The following SCFD2 variants were observed in gnomAD, a reference collection of about 807,000 sequenced individuals.
The protein encoded by SCFD2 is sec1 family domain-containing protein 2.
In SCFD2, 54 loss-of-function variants were observed where a neutral mutation model predicts 58.9. The observed-to-expected ratio is 0.92, with a 90% CI of 0.74 to 1.15. SCFD2 has a LOEUF of 1.15. Among genes scored for constraint, SCFD2 ranks in the 50% most tolerant of loss-of-function variants. SCFD2 has a pLI of 0.00. For synonymous variants in SCFD2, 321 were observed against 335.9 expected, an observed-to-expected ratio of 0.96 and a Z score of 0.49; for missense variants, 805 against 836.6, an observed-to-expected ratio of 0.96 and a Z score of 0.47.
chr4:53,254,397 C>T (rs1184345841), intron 4 of SCFD2, among the ~76,000 whole-genome samples: 2 of 152,208 alleles, frequency 1.3e-5, no homozygotes, highest in African/African-American at 2.4e-5. Flanking sequence ...ATGCCTGCTT[C>T]TCCTTTGCCT....
At chr4:53,351,233 C>T (rs1011509069) in intron 2 of SCFD2, among the ~76,000 whole-genome samples, 5 of 152,154 alleles carry the variant, frequency 3.3e-5, no homozygotes, top group African/African-American at 9.7e-5. Flanking sequence ...AGAAGTGGTC[C>T]AATGAGGTCA....
At chr4:53,034,758 A>G (rs1398119526) in intron 5 of SCFD2, among the ~76,000 whole-genome samples, 1 of 152,212 alleles carries the variant, frequency 6.6e-6, no homozygotes, top group Admixed American at 6.5e-5. Context: ...CTAGGAATCC[A>G]ACTTACAAGG....
At chr4:53,012,834 G>GTTTT (rs5858199) in intron 5 of SCFD2, among the ~76,000 whole-genome samples, 1 of 134,586 alleles carries the variant, frequency 7.4e-6, no homozygotes, top group Non-Finnish European at 1.6e-5. Flanking sequence ...GTGTGTGTGT[G>GTTTT]TGTTTTTTTT....
At position 53,224,948 on chromosome 4, in the gene SCFD2, A is replaced by T. The variant is rs1194303695; in HGVS notation, c.1311+48878T>A. 2.6e-5 allele frequency among the ~76,000 whole-genome samples: 4 copies of T among 152,182 alleles called. No individual in the cohort carries two copies. In the South Asian group the frequency reaches 8.3e-4, roughly 31 times the overall value. On this transcript the variant is annotated intron_variant, in intron 4 of 8. Coordinates refer to ENST00000401642, the MANE Select transcript of SCFD2 (RefSeq NM_152540.4). The stretch of plus-strand genomic sequence containing the variant: ...ATAAACTCTCTTCTATTAACATTAC[A>T]TGAATAACATTTCCACACCTCATTA...
intron 5 of SCFD2, among the ~76,000 whole-genome samples, chr4:52,964,537 T>C (rs1014301351): frequency 6.6e-6 from 1 of 152,230 alleles, no homozygotes; most frequent in Non-Finnish European, 1.5e-5. Flanking sequence ...AGGAACATTC[T>C]AGGAGTTGCA....
intron 4 of SCFD2, among the ~76,000 whole-genome samples, chr4:53,267,722 A>C (rs1731034342): frequency 6.6e-6 from 1 of 152,170 alleles, no homozygotes; most frequent in South Asian, 2.1e-4. Flanking sequence ...CTGAAACTAC[A>C]GATGTGTATC....
chr4:53,140,392 A>AAAATATATATATATATAT (rs369140110), intron 5 of SCFD2, among the ~76,000 whole-genome samples: 3,975 of 97,318 alleles, frequency 0.041, 451 homozygotes, highest in East Asian at 0.11. Context: ...CAAAAATGCT[A>AAAATATATATATATATAT]ATATATATAT....
At chr4:53,278,077 A>C (rs1293096166) in intron 3 of SCFD2, among the ~76,000 whole-genome samples, 3 of 151,430 alleles carry the variant, frequency 2.0e-5, no homozygotes, top group East Asian at 2.0e-4. Flanking sequence ...AAAAAAAAAA[A>C]CAGTCCTCGC....
At chr4:53,171,606 A>G (rs1459640538) in intron 4 of SCFD2, among the ~76,000 whole-genome samples, 2 of 152,200 alleles carry the variant, frequency 1.3e-5, no homozygotes, top group South Asian at 2.1e-4. Context: ...GTTTGGTAGA[A>G]TTCAGCAATA....
intron 7 of SCFD2, among the ~76,000 whole-genome samples, chr4:52,900,856 C>T (rs539608295): frequency 6.6e-6 from 1 of 152,202 alleles, no homozygotes. Context: ...ACCCCTCCCC[C>T]AGCCTCGCTG....
At chr4:52,981,177 A>C (rs991762121) in intron 5 of SCFD2, among the ~76,000 whole-genome samples, 1 of 152,202 alleles carries the variant, frequency 6.6e-6, no homozygotes, top group African/African-American at 2.4e-5. Context: ...TGTGCTGCTG[A>C]TGAGAATAGT....
chr4:53,241,060 C>T (rs887276876), intron 4 of SCFD2, among the ~76,000 whole-genome samples: 3 of 152,210 alleles, frequency 2.0e-5, no homozygotes, highest in African/African-American at 4.8e-5. Context: ...GTGCTACCAG[C>T]ACCAGGACTT....
At chr4:53,254,267 G>C (rs1730514032) in intron 4 of SCFD2, among the ~76,000 whole-genome samples, 1 of 152,004 alleles carries the variant, frequency 6.6e-6, no homozygotes, top group Admixed American at 6.6e-5. Context: ...TCATGGGGGT[G>C]GTTTCCCCCA....
At chr4:53,056,297 A>T (rs1426577507) in intron 5 of SCFD2, among the ~76,000 whole-genome samples, 1 of 152,078 alleles carries the variant, frequency 6.6e-6, no homozygotes, top group Non-Finnish European at 1.5e-5. Context: ...CAATTTAATG[A>T]CCTCAGGTGA....
At chr4:53,274,299 C>T (rs1157883472) in intron 3 of SCFD2, among the ~76,000 whole-genome samples, 3 of 152,088 alleles carry the variant, frequency 2.0e-5, no homozygotes, top group Non-Finnish European at 4.4e-5. Context: ...AATAAATTTT[C>T]AAATAAAGTC....
At chr4:53,116,044 G>A (rs1725308429) in intron 5 of SCFD2, among the ~76,000 whole-genome samples, 1 of 152,006 alleles carries the variant, frequency 6.6e-6, no homozygotes, top group African/African-American at 2.4e-5. Context: ...ACCTTGACCT[G>A]GCCAATCAGA....
chr4:52,915,984 T>C lies in SCFD2; in HGVS notation c.1707+4741A>G, dbSNP rs543679590. On this transcript the variant is annotated intron_variant, in intron 6 of 8. Coordinates refer to ENST00000401642, the MANE Select transcript of SCFD2 (RefSeq NM_152540.4). ...ATCAAGCCTCCTCAGGCACTGCTGGTTCAAAATGCTCTTGTTCAACATGCC... is the reference window on the plus strand; with the variant it reads ...ATCAAGCCTCCTCAGGCACTGCTGGCTCAAAATGCTCTTGTTCAACATGCC... 2.6e-5 allele frequency among the ~76,000 whole-genome samples: 4 copies of C among 152,374 alleles called. No individual in the cohort carries two copies. The South Asian group carries it at 8.3e-4, about 32-fold the overall frequency.
chr4:52,885,510 C>A (rs1443432654), intron 8 of SCFD2, among the ~76,000 whole-genome samples: 1 of 152,126 alleles, frequency 6.6e-6, no homozygotes, highest in African/African-American at 2.4e-5. Context: ...TAGACTTTAT[C>A]AAAATGACCC....
chr4:53,071,022 C>A (rs1723798804), intron 5 of SCFD2, among the ~76,000 whole-genome samples: 1 of 152,094 alleles, frequency 6.6e-6, no homozygotes, highest in African/African-American at 2.4e-5. Flanking sequence ...GCATAAGTGT[C>A]ATATTCAACT....
Sources: allele counts gnomAD v4.1 joint callset (sites outside exome capture counted in the v4.1 genomes callset), GRCh38; gene constraint gnomAD v4.1.1; transcripts MANE v1.5; gene names NCBI Gene and HGNC (gene_info 2026-07-23, HGNC 2026-07-21).